Variants in EXOSC1 observed in about 807,000 individuals in gnomAD.
EXOSC1 encodes exosome complex component CSL4.
In EXOSC1, 27 loss-of-function variants were observed where a neutral mutation model predicts 31.4. The observed-to-expected ratio is 0.86, with a 90% CI of 0.63 to 1.18. The LOEUF is 1.18. EXOSC1 is among the 50% of genes most tolerant of loss of function. The probability of loss-of-function intolerance (pLI) is 0.00; values close to 1 mark genes in which losing one functional copy is unlikely to be tolerated. For synonymous variants in EXOSC1, 84 were observed against 89.5 expected (o/e 0.94, Z 0.35); for missense variants, 228 against 250.3 (o/e 0.91, Z 0.60).
In EXOSC1 at chr10:97,441,255, G is replaced by T; in HGVS notation, c.227C>A (p.Ser76Tyr). The T allele has an allele frequency of 1.2e-6, 2 of 1,613,802 alleles. No individual in the cohort carries two copies. The highest frequency in any genetic ancestry group is 1.7e-6 in the Non-Finnish European group (2 of 1,179,728). The change falls in exon 4 of 8, where the codon TCT becomes TAT. Residue 76 changes from serine (S) to tyrosine (Y), a missense_variant. Transcript: ENST00000370902. The stretch of plus-strand genomic sequence containing the variant: ...TTTGGCAAAGCGTGAATTGATGCTA[G>T]AGACCTGCGGAATAGAGAAAAGATC... ...DVGAIVTCKV[S>Y]SINSRFAKVH...
intron 4 of EXOSC1, 31 bp from the exon 5 acceptor site, chr10:97,438,734 T>C (rs1845624562): frequency 6.6e-7 from 1 of 1,517,086 alleles, no homozygotes; most frequent in South Asian, 1.2e-5. Flanking sequence ...GAAAGATTAA[T>C]TACCTGTGAG....
Position 97,443,289 on chromosome 10 carries a change from C to G in EXOSC1, c.170G>C (p.Arg57Thr), listed in dbSNP as rs762016854. The G allele has an allele frequency of 4.3e-6, 7 of 1,614,174 alleles. No individual in the cohort carries two copies. The Admixed American group carries it at 1.2e-4, about 27-fold the overall frequency. The change falls in exon 3 of 8, where the codon AGA (arginine) becomes ACA (threonine). Residue 57 changes from arginine (R) to threonine (T), a missense_variant. Transcript: ENST00000370902. Reference protein sequence around the residue: ...NGALPVVSVVRETESQLLPDV... With the variant: ...NGALPVVSVVTETESQLLPDV... ...TGGCAGTAACTGGGACTCTGTTTCT[C>G]TCACTACAGACACCACTGGAAGCTA...
Position 97,437,505 on chromosome 10 carries a change from G to A in EXOSC1, c.396+195C>T, listed in dbSNP as rs542138788. The stretch of plus-strand genomic sequence containing the variant: ...TGGGATTACAGGCATGTGCCACCAC[G>A]CCCAGCTAATTTTTGTATTTTTAGT... On this transcript the variant is annotated intron_variant, in intron 6 of 7. Transcript: ENST00000370902. Among the ~76,000 whole-genome samples the A allele has an allele frequency of 3.3e-5, 5 of 151,830 alleles. No homozygotes were observed. Among genetic ancestry groups the A allele is most frequent in the African/African-American group, 9.7e-5 (4 of 41,374 alleles).
chr10:97,443,254 C>T lies in EXOSC1; in HGVS notation c.205G>A (p.Ala69Thr). The T allele has an allele frequency of 6.2e-7, 1 of 1,614,110 alleles. No individual in the cohort carries two copies. The highest frequency in any genetic ancestry group is 8.5e-7 in the Non-Finnish European group (1 of 1,179,974). ...TESQLLPDVGAIVTCKVSSIN... is the reference protein window; with the variant it reads ...TESQLLPDVGTIVTCKVSSIN... ...CAACTTACCTTACAGGTTACAATAG[C>T]TCCCACATCTGGCAGTAACTGGGAC... Residue 69 changes from alanine (A) to threonine (T), a missense_variant, in exon 3 of 8, where the codon GCT (alanine) becomes ACT (threonine). Ala to Thr is a moderately conservative substitution (Grantham distance 58). Coordinates refer to ENST00000370902, the MANE Select transcript of EXOSC1 (RefSeq NM_016046.5).
At chr10:97,440,899 G>A (rs1423765471) in intron 4 of EXOSC1, 5 of 251,800 alleles carry the variant, frequency 2.0e-5, no homozygotes, top group South Asian at 5.6e-5. Context: ...AGATCCACCC[G>A]CCTCAGCTTC....
At chr10:97,437,560 C>T (rs1845579767) in intron 6 of EXOSC1, 140 bp downstream of exon 6, 12 of 749,308 alleles carry the variant, frequency 1.6e-5, no homozygotes, top group South Asian at 7.8e-5. Flanking sequence ...GTTGTCCAGG[C>T]TGGTCTCGAA....
At chr10:97,439,431 A>C (rs1254215802) in intron 4 of EXOSC1, among the ~76,000 whole-genome samples, 2 of 152,168 alleles carry the variant, frequency 1.3e-5, no homozygotes, top group African/African-American at 4.8e-5. Flanking sequence ...AGTGGGCATT[A>C]GATTCTCATA....
chr10:97,436,693 T>C, intron 7 of EXOSC1, 142 bp from the exon 8 acceptor site: 1 of 681,328 alleles, frequency 1.5e-6, no homozygotes, highest in Non-Finnish European at 2.3e-6. Context: ...TTCATTCTAC[T>C]GACTTATGAA....
intron 7 of EXOSC1, 27 bp from the exon 8 acceptor site, chr10:97,436,578 C>T: frequency 1.9e-6 from 3 of 1,562,796 alleles, no homozygotes; most frequent in Non-Finnish European, 2.6e-6. Context: ...GGTGGTGGAG[C>T]CCAGACCCCA....
intron 3 of EXOSC1, among the ~76,000 whole-genome samples, chr10:97,442,441 T>C (rs1429135131): frequency 2.0e-5 from 3 of 152,230 alleles, no homozygotes; most frequent in African/African-American, 7.2e-5. Flanking sequence ...AAAAGTCATG[T>C]GCTGACCAGT....
intron 3 of EXOSC1, among the ~76,000 whole-genome samples, chr10:97,442,494 G>A (rs1356432997): frequency 6.6e-6 from 1 of 152,170 alleles, no homozygotes; most frequent in East Asian, 1.9e-4. Context: ...TACTTGAAAT[G>A]TGGCTAATGT....
chr10:97,436,415 A>AC lies in EXOSC1; in HGVS notation c.*29dup. On this transcript the variant is annotated 3_prime_UTR_variant, in exon 8 of 8. Coordinates refer to ENST00000370902, the MANE Select transcript of EXOSC1 (RefSeq NM_016046.5). ...TTGGTGTTATACTCAGGAACAGCTT[A>AC]CCCCCTTCCATAGGGTAAAAAGTGG... 6.6e-7 allele frequency: 1 copy of AC among 1,508,402 alleles called. No individual in the cohort carries two copies. The highest frequency in any genetic ancestry group is 1.1e-5 in the South Asian group (1 of 88,736). 93.4% of individuals were successfully genotyped at this position (1,508,402 alleles called of 1,614,324 possible).
intron 3 of EXOSC1, among the ~76,000 whole-genome samples, chr10:97,441,633 G>A (rs1423017945): frequency 1.3e-5 from 2 of 151,414 alleles, no homozygotes; most frequent in African/African-American, 4.8e-5. Flanking sequence ...TGGGATTACA[G>A]GCATGCACCA....
Position 97,445,935 on chromosome 10 carries a change from T to C in EXOSC1, c.31+20A>G. 2 of 1,614,096 alleles carry C rather than the reference T, an allele frequency of 1.2e-6. No individual in the cohort carries two copies. The highest frequency in any genetic ancestry group is 1.7e-6 in the Non-Finnish European group (2 of 1,179,958). ...GCTTCAGCCCCTATCCAGGACTCTG[T>C]ACGGGAAGCGCTCACTTACCGGGGA... On this transcript the variant is annotated intron_variant, in intron 1 of 7. Coordinates refer to ENST00000370902, the MANE Select transcript of EXOSC1 (RefSeq NM_016046.5).
At chr10:97,438,750 ATTTTTT>A in intron 4 of EXOSC1, 47 bp from the exon 5 acceptor site, 71 of 996,214 alleles carry the variant, frequency 7.1e-5, no homozygotes, top group East Asian at 1.6e-4. Context: ...GTGAGAAAGA[ATTTTTT>A]TTTTTTTTTT....
chr10:97,438,626 T>C lies in EXOSC1; in HGVS notation c.345+44A>G, dbSNP rs778500510. ...GGCCTGAGATAATACTTTTAAGGGA[T>C]TGAGATACGTAAAGCCATTAAAAAA... On this transcript the variant is annotated intron_variant, in intron 5 of 7. Transcript: ENST00000370902. 67 of 1,585,494 alleles carry C rather than the reference T, an allele frequency of 4.2e-5. 1 individual carries two copies. The highest frequency in any genetic ancestry group is 5.4e-5 in the African/African-American group (4 of 73,498).
At chr10:97,441,576 C>T (rs1297027032) in intron 3 of EXOSC1, among the ~76,000 whole-genome samples, 21 of 150,550 alleles carry the variant, frequency 1.4e-4, no homozygotes, top group African/African-American at 2.2e-4. Flanking sequence ...CCGCAACCTC[C>T]GCCTCCTGGG....
At chr10:97,443,098 T>G (rs1845767845) in intron 3 of EXOSC1, 139 bp downstream of exon 3, 1 of 712,366 alleles carries the variant, frequency 1.4e-6, no homozygotes, top group Admixed American at 2.5e-5. Context: ...GTGCTAGAAT[T>G]ACCAGTGTGA....
intron 2 of EXOSC1, chr10:97,445,499 T>C: frequency 1.7e-6 from 1 of 573,834 alleles, no homozygotes. Flanking sequence ...TCGCATCTGC[T>C]TTTGTCCCAA....
Sources: allele counts gnomAD v4.1 joint callset (sites outside exome capture counted in the v4.1 genomes callset), GRCh38; gene constraint gnomAD v4.1.1; transcripts MANE v1.5; gene names NCBI Gene and HGNC (gene_info 2026-07-23, HGNC 2026-07-21).